PRXL2C: variants seen among roughly 807,000 people sequenced by gnomAD.
PRXL2C encodes peroxiredoxin-like 2C.
PRXL2C carries 38 observed loss-of-function variants against 24.9 expected under a neutral mutation model. That is an observed-to-expected ratio of 1.53 (90% CI 1.18 to 2.00). The LOEUF is 2.00. Ranked by LOEUF, PRXL2C falls within the 30% of genes most tolerant of loss-of-function variation. PRXL2C has a pLI of 0.00. For missense variants in PRXL2C, 294 were observed against 290.9 expected (o/e 1.01, Z -0.08); for synonymous variants, 98 against 117.2 (o/e 0.84, Z 1.06).
In PRXL2C at chr9:96,653,243, G is replaced by A. The variant is rs1187570556; in HGVS notation, c.261+1462C>T. ...CTCCATCTCAAAAAAAAAAAAAGAAGAAAAGAAAATACGGTATCACATTTG... is the reference window on the plus strand; with the variant it reads ...CTCCATCTCAAAAAAAAAAAAAGAAAAAAAGAAAATACGGTATCACATTTG... On this transcript the variant is annotated intron_variant, in intron 2 of 5. Coordinates refer to ENST00000375234, the MANE Select transcript of PRXL2C (RefSeq NM_153698.2). Among the ~76,000 whole-genome samples the A allele has an allele frequency of 2.8e-3, 416 of 149,930 alleles. 6 individuals carry two copies. Among genetic ancestry groups the A allele is most frequent in the African/African-American group, 9.8e-3 (393 of 40,106 alleles).
chr9:96,650,816 G>A (rs984002699), intron 4 of PRXL2C, among the ~76,000 whole-genome samples: 9 of 138,172 alleles, frequency 6.5e-5, no homozygotes, highest in African/African-American at 2.1e-4. Context: ...ATGTGCGCAC[G>A]CGTGCACACA....
At position 96,651,681 on chromosome 9, in the gene PRXL2C, T is replaced by A; in HGVS notation, c.293A>T (p.Gln98Leu). The change falls in exon 3 of 6, where the codon CAG (glutamine) becomes CTG (leucine). Residue 98 changes from glutamine to leucine, a missense_variant. Coordinates refer to ENST00000375234, the MANE Select transcript of PRXL2C (RefSeq NM_153698.2). ...EANVTLIVIG[Q>L]SSYHHIEPFC... is the part of the protein sequence containing the mutation. ...TACCTCAATATGATGGTAGGATGAC[T>A]GTCCAATCACTATAAGGGTGACATT... The A allele has an allele frequency of 6.2e-7, 1 of 1,610,980 alleles. No individual in the cohort carries two copies. Among genetic ancestry groups the A allele is most frequent in the East Asian group, 2.2e-5 (1 of 44,788 alleles).
At chr9:96,642,104 T>C (rs1364612607) in intron 5 of PRXL2C, among the ~76,000 whole-genome samples, 1 of 152,176 alleles carries the variant, frequency 6.6e-6, no homozygotes, top group Non-Finnish European at 1.5e-5. Context: ...ACTTGATGTT[T>C]TATGAGATCC....
At chr9:96,648,100 G>A (rs1848219579) in intron 4 of PRXL2C, among the ~76,000 whole-genome samples, 1 of 150,568 alleles carries the variant, frequency 6.6e-6, no homozygotes, top group Non-Finnish European at 1.5e-5. Context: ...ACAGGGTCTG[G>A]CCATGTTGCC....
Position 96,640,657 on chromosome 9 carries a change from C to T in PRXL2C, c.*1102G>A, listed in dbSNP as rs1848101998. ...CCTGGCTGTTATAACACAGTGAAAC[C>T]CCGTCTCTAATAAAAATACAAAAAA... On this transcript the variant is annotated 3_prime_UTR_variant, in exon 6 of 6. Coordinates refer to ENST00000375234, the MANE Select transcript of PRXL2C (RefSeq NM_153698.2). 1 of 150,300 alleles carries T rather than the reference C, an allele frequency of 6.7e-6. No homozygotes were observed. Among genetic ancestry groups the T allele is most frequent in the African/African-American group, 2.5e-5 (1 of 40,804 alleles). The allele number at this position is 150,300 out of a possible 1,614,324, so 9.3% of individuals were successfully genotyped here.
chr9:96,651,348 T>C (rs1298464595), intron 4 of PRXL2C, 42 bp downstream of exon 4: 4 of 1,382,738 alleles, frequency 2.9e-6, no homozygotes, highest in Non-Finnish European at 4.1e-6. Flanking sequence ...AATATGAACA[T>C]ACACCACCAG....
intron 1 of PRXL2C, 98 bp from the exon 2 acceptor site, chr9:96,654,871 G>T: frequency 2.3e-6 from 3 of 1,325,030 alleles, no homozygotes; most frequent in Non-Finnish European, 3.0e-6. Context: ...GAGCAAAGGC[G>T]ACGCCCGCGG....
intron 4 of PRXL2C, among the ~76,000 whole-genome samples, chr9:96,646,675 CT>C (rs1848204489): frequency 6.6e-6 from 1 of 152,178 alleles, no homozygotes; most frequent in South Asian, 2.1e-4. Context: ...TCTCATATTC[CT>C]TCTACATTCT....
In PRXL2C at chr9:96,655,078, C is replaced by A; in HGVS notation, c.192+12G>T. On this transcript the variant is annotated intron_variant, in intron 1 of 5. Coordinates refer to ENST00000375234, the MANE Select transcript of PRXL2C (RefSeq NM_153698.2). Reference sequence around the variant, plus strand: ...GGGCCGCGCTTCCCTTCCAGCCCCGCCGCCCGCTCACCCGCACGAACACCA... The same window carrying A: ...GGGCCGCGCTTCCCTTCCAGCCCCGACGCCCGCTCACCCGCACGAACACCA... 1 of 1,457,352 alleles carries A rather than the reference C, an allele frequency of 6.9e-7. No homozygotes were observed. Among genetic ancestry groups the A allele is most frequent in the South Asian group, 1.3e-5 (1 of 76,290 alleles). 90.3% of individuals were successfully genotyped at this position (1,457,352 alleles called of 1,614,324 possible). A position where few individuals can be genotyped will look rare whatever the true frequency, so the allele number is the denominator to read the frequency against.
chr9:96,643,917 G>A (rs1848155700), intron 5 of PRXL2C, among the ~76,000 whole-genome samples: 2 of 152,006 alleles, frequency 1.3e-5, no homozygotes, highest in Admixed American at 6.5e-5. Context: ...GGCAGATCAC[G>A]AAGTCAAGTA....
At chr9:96,648,897 C>T (rs936868632) in intron 4 of PRXL2C, among the ~76,000 whole-genome samples, 4 of 152,028 alleles carry the variant, frequency 2.6e-5, no homozygotes, top group Non-Finnish European at 4.4e-5. Flanking sequence ...CCTCAGTCTC[C>T]CGAGTAGCTG....
chr9:96,655,261 G>C lies in PRXL2C; in HGVS notation c.21C>G (p.Val7=). 1 of 1,091,244 alleles carries C rather than the reference G, an allele frequency of 9.2e-7. No individual in the cohort carries two copies. The highest frequency in any genetic ancestry group is 1.1e-6 in the Non-Finnish European group (1 of 899,562). The allele number at this position is 1,091,244 out of a possible 1,614,324, so 67.6% of individuals were successfully genotyped here. Reference sequence around the variant, plus strand: ...CGGCGGCGCCGCTAACCTGCCGCGTGACCGGGGCCGGCGCGGCCATGACGC... The same window carrying C: ...CGGCGGCGCCGCTAACCTGCCGCGTCACCGGGGCCGGCGCGGCCATGACGC... MAAPAP[V]TRQVSGAAAL... The change falls in exon 1 of 6, where the codon GTC becomes GTG. Residue 7 remains valine (V), a synonymous_variant. Coordinates refer to ENST00000375234, the MANE Select transcript of PRXL2C (RefSeq NM_153698.2).
At chr9:96,648,347 G>A (rs1297828809) in intron 4 of PRXL2C, among the ~76,000 whole-genome samples, 2 of 152,108 alleles carry the variant, frequency 1.3e-5, no homozygotes, top group Non-Finnish European at 2.9e-5. Flanking sequence ...TACTTCTTTT[G>A]TGTCAAATTC....
At chr9:96,644,854 T>C (rs1848168864) in intron 5 of PRXL2C, among the ~76,000 whole-genome samples, 2 of 150,946 alleles carry the variant, frequency 1.3e-5, no homozygotes, top group Non-Finnish European at 2.9e-5. Flanking sequence ...CTCCTAGTTT[T>C]GTTAGGTATA....
rs566101961 is a variant in PRXL2C at position 96,645,792 on chromosome 9, C to G, written c.553+101G>C. On this transcript the variant is annotated intron_variant, in intron 5 of 5. Coordinates refer to ENST00000375234, the MANE Select transcript of PRXL2C (RefSeq NM_153698.2). Reference sequence around the variant, plus strand: ...AGCCTTGGCGACAGAGCGAGACTCCCTCTCGAAAAAAAAAAAAAAGGAAAA... The same window carrying G: ...AGCCTTGGCGACAGAGCGAGACTCCGTCTCGAAAAAAAAAAAAAAGGAAAA... The G allele has an allele frequency of 5.8e-4, 768 of 1,320,212 alleles. 2 individuals are homozygous for G. The African/African-American group carries it at 7.3e-3, about 13-fold the overall frequency. The allele number at this position is 1,320,212 out of a possible 1,614,324, so 81.8% of individuals were successfully genotyped here. A position where few individuals can be genotyped will look rare whatever the true frequency, so the allele number is the denominator to read the frequency against.
chr9:96,649,628 A>G (rs1393644099), intron 4 of PRXL2C, among the ~76,000 whole-genome samples: 1 of 151,678 alleles, frequency 6.6e-6, no homozygotes, highest in East Asian at 1.9e-4. Context: ...CTGCCTCACA[A>G]ACAGCTCCCA....
At position 96,648,423 on chromosome 9, in the gene PRXL2C, C is replaced by T. The variant is rs533439955; in HGVS notation, c.422-2399G>A. 2.0e-5 allele frequency among the ~76,000 whole-genome samples: 3 copies of T among 151,998 alleles called. No homozygotes were observed. In the South Asian group the frequency reaches 6.2e-4, roughly 32 times the overall value. On this transcript the variant is annotated intron_variant, in intron 4 of 5. Transcript: ENST00000375234. ...GTAATGGCTTCATTTTCTTATTCTTCATCTTTATTAAAATAGGCACCATTA... is the reference window on the plus strand; with the variant it reads ...GTAATGGCTTCATTTTCTTATTCTTTATCTTTATTAAAATAGGCACCATTA...
chr9:96,644,677 G>A (rs1848166453), intron 5 of PRXL2C, among the ~76,000 whole-genome samples: 1 of 151,118 alleles, frequency 6.6e-6, no homozygotes, highest in African/African-American at 2.4e-5. Context: ...AGTAGAGATG[G>A]GGTTTCACCA....
At position 96,654,747 on chromosome 9, in the gene PRXL2C, T is replaced by C. The variant is rs1259731850; in HGVS notation, c.219A>G (p.Glu73=). The C allele has an allele frequency of 6.4e-7, 1 of 1,567,290 alleles. No individual in the cohort carries two copies. The highest frequency in any genetic ancestry group is 8.7e-7 in the Non-Finnish European group (1 of 1,154,664). Residue 73 remains glutamate (E), a synonymous_variant, in exon 2 of 6, where the codon GAA becomes GAG. Transcript: ENST00000375234. The part of the protein sequence containing the change: ...VRHFLCYICK[E]YVEDLAKIPR... ...GGATTTTGGCCAGATCCTCTACGTA[T>C]TCCTTGCAGATGTAACACAGGAAAT...
Sources: allele counts gnomAD v4.1 joint callset (sites outside exome capture counted in the v4.1 genomes callset), GRCh38; gene constraint gnomAD v4.1.1; transcripts MANE v1.5; gene names NCBI Gene and HGNC (gene_info 2026-07-23, HGNC 2026-07-21).